Variants in ADSL observed in about 807,000 individuals in gnomAD.
ADSL encodes the protein adenylosuccinase.
ADSL carries 44 observed loss-of-function variants against 62.1 expected under a neutral mutation model. The ratio of observed to expected loss-of-function variants is 0.71; its 90% CI spans 0.56 to 0.91. The LOEUF (loss-of-function observed/expected upper bound fraction) is 0.91, where lower values mean the gene tolerates loss of function less well. ADSL is among the 40% of genes least tolerant of loss of function. The pLI is 0.00. For missense variants in ADSL, 531 were observed against 627.4 expected, an observed-to-expected ratio of 0.85 and a Z score of 1.64; for synonymous variants, 198 against 220.5, an observed-to-expected ratio of 0.90 and a Z score of 0.90.
chr22:40,353,173 G>A (rs919717856), intron 3 of ADSL, 56 bp downstream of exon 3: 93 of 1,394,110 alleles, frequency 6.7e-5, no homozygotes, highest in Non-Finnish European at 8.6e-5. Flanking sequence ...TTAGGAGATA[G>A]GCACCAGTTA....
chr22:40,374,779 C>A (rs897570625), intron 2 of ADSL, among the ~76,000 whole-genome samples: 2 of 152,226 alleles, frequency 1.3e-5, no homozygotes, highest in African/African-American at 4.8e-5. Flanking sequence ...ACTCGGGAGG[C>A]TGAGGCAGGA....
chr22:40,372,756 A>G (rs1309562698), downstream of ADSL: 2 of 152,232 alleles, frequency 1.3e-5, no homozygotes, highest in Non-Finnish European at 2.9e-5. Flanking sequence ...CTGCTGGCTC[A>G]GAAGCTTAAA....
chr22:40,360,509 T>G lies in ADSL; in HGVS notation c.792+17T>G, dbSNP rs751026343. On this transcript the variant is annotated intron_variant, in intron 7 of 12. Transcript: ENST00000623063. ...GTGCACAAGGTGAGTGGTGGCAGCA[T>G]GTGGGGTGGGGACAGGAGCTTTGGG... 6.2e-7 allele frequency: 1 copy of G among 1,604,382 alleles called. No individual in the cohort carries two copies. Among genetic ancestry groups the G allele is most frequent in the South Asian group, 1.1e-5 (1 of 90,866 alleles).
intron 1 of ADSL, chr22:40,348,561 T>C: frequency 5.0e-6 from 2 of 398,534 alleles, no homozygotes; most frequent in Non-Finnish European, 8.8e-6. Flanking sequence ...TTGTGTTGTT[T>C]TGTAGAGATG....
chr22:40,353,328 G>T, intron 3 of ADSL: 1 of 703,496 alleles, frequency 1.4e-6, no homozygotes, highest in African/African-American at 1.8e-5. Flanking sequence ...TTCTTCTTGA[G>T]CCAGAGTCTC....
downstream of ADSL, among the ~76,000 whole-genome samples, chr22:40,371,977 G>A (rs899574985): frequency 2.0e-5 from 3 of 152,162 alleles, no homozygotes; most frequent in Non-Finnish European, 4.4e-5. Context: ...TGGGATTACA[G>A]GCGTGAGCCA....
intron 7 of ADSL, chr22:40,361,014 T>C: frequency 1.9e-6 from 1 of 535,914 alleles, no homozygotes; most frequent in Non-Finnish European, 3.4e-6. Flanking sequence ...ATTAATCTTG[T>C]GATTTTCTTT....
chr22:40,349,853 G>A lies in ADSL; in HGVS notation c.175G>A (p.Asp59Asn), dbSNP rs1880680031. ...GCAGACATTGGGTTTGCCTATCACAGATGAACAAATCCAGGAGATGAAATC... is the reference window on the plus strand; with the variant it reads ...GCAGACATTGGGTTTGCCTATCACAAATGAACAAATCCAGGAGATGAAATC... ...AEQTLGLPIT[D>N]EQIQEMKSNL... Residue 59 changes from aspartate to asparagine, a missense_variant, in exon 2 of 13, where the codon GAT becomes AAT. Asp to Asn is a conservative substitution (Grantham distance 23). Around this residue, in one of 2 missense-constraint regions of ADSL, gnomAD observed 471 missense variants for 592.9 expected, o/e 0.79. Coordinates refer to ENST00000623063, the MANE Select transcript of ADSL (RefSeq NM_000026.4). The A allele has an allele frequency of 6.2e-7, 1 of 1,614,132 alleles. No individual in the cohort carries two copies. The highest frequency in any genetic ancestry group is 1.3e-5 in the African/African-American group (1 of 75,012).
At position 40,364,366 on chromosome 22, in the gene ADSL, G is replaced by C; in HGVS notation, c.1191+1G>C. The C allele has an allele frequency of 6.2e-7, 1 of 1,613,454 alleles. No individual in the cohort carries two copies. The highest frequency in any genetic ancestry group is 8.5e-7 in the Non-Finnish European group (1 of 1,179,638). On this transcript the variant is annotated splice_donor_variant, in intron 11 of 12. Coordinates refer to ENST00000623063, the MANE Select transcript of ADSL (RefSeq NM_000026.4). LOFTEE classifies it high-confidence loss of function. ...GGTCAAAGCTGGAGGTAGCCGCCAG[G>C]TTTGTAACCCCTCATGTTCCTGGAT...
intron 3 of ADSL, 24 bp downstream of exon 3, chr22:40,353,141 T>C: frequency 1.2e-6 from 2 of 1,602,458 alleles, no homozygotes; most frequent in South Asian, 1.1e-5. Flanking sequence ...AGATGTTTCC[T>C]ACCAACCCTA....
At chr22:40,376,712 G>GGTGGA (rs113760810) in intron 2 of ADSL, among the ~76,000 whole-genome samples, 34,989 of 151,756 alleles carry the variant, frequency 0.23, 4,561 homozygotes, top group Admixed American at 0.38. Context: ...GCTAAAGATT[G>GGTGGA]GTGGAGTCAG....
rs147017931 is a variant in ADSL at position 40,350,020 on chromosome 22, T to C, written c.342T>C (p.Tyr114=). The C allele has an allele frequency of 1.9e-6, 3 of 1,613,882 alleles. No homozygotes were observed. Among genetic ancestry groups the C allele is most frequent in the African/African-American group, 2.7e-5 (2 of 74,936 alleles). The change falls in exon 2 of 13, where the codon TAT becomes TAC. Residue 114 remains tyrosine (Y), a synonymous_variant. Transcript: ENST00000623063. ...TTCACCTTGGTGCTACTTCTTGCTA[T>C]GTTGGAGACAATACTGTAGGCGCCT... ...GIIHLGATSC[Y]VGDNTDLIIL...
In ADSL at chr22:40,353,103, C is replaced by G; in HGVS notation, c.388C>G (p.Leu130Val). Residue 130 changes from leucine (L) to valine (V), a missense_variant, in exon 3 of 13, where the codon CTG becomes GTG. Physicochemically the swap from Leu to Val is conservative, Grantham distance 32 (BLOSUM62 1). This residue lies in a region of ADSL where 471 missense variants were observed against 592.9 expected (regional missense o/e 0.79). Coordinates refer to ENST00000623063, the MANE Select transcript of ADSL (RefSeq NM_000026.4). ...GATTATTCTTAGAAATGCACTTGAC[C>G]TGCTTTTGCCAAAGGTAAGGAGTTG... ...DLIILRNALD[L>V]LLPKLARVIS... The G allele has an allele frequency of 6.2e-7, 1 of 1,613,926 alleles. No homozygotes were observed. Among genetic ancestry groups the G allele is most frequent in the South Asian group, 1.1e-5 (1 of 91,064 alleles).
At chr22:40,381,752 C>A (rs1373250351) in intron 2 of ADSL, among the ~76,000 whole-genome samples, 1 of 152,076 alleles carries the variant, frequency 6.6e-6, no homozygotes, top group Non-Finnish European at 1.5e-5. Flanking sequence ...GCCAAGAGTT[C>A]AAGACTGGCC....
intron 4 of ADSL, among the ~76,000 whole-genome samples, 173 bp downstream of exon 4, chr22:40,354,500 A>G (rs1201691415): frequency 6.6e-6 from 1 of 152,204 alleles, no homozygotes; most frequent in Admixed American, 6.5e-5. Flanking sequence ...AGTAAATCTA[A>G]CAGTTCATTT....
intron 9 of ADSL, 43 bp downstream of exon 9, chr22:40,361,678 G>C: frequency 6.2e-7 from 1 of 1,604,916 alleles, no homozygotes; most frequent in Non-Finnish European, 8.5e-7. Context: ...TTGAGTGGAG[G>C]TCTGAAGGAG....
Position 40,367,268 on chromosome 22 carries a change from C to T in ADSL, c.*746C>T, listed in dbSNP as rs546965777. 6.6e-6 allele frequency: 1 copy of T among 152,464 alleles called. No homozygotes were observed. The highest frequency in any genetic ancestry group is 2.1e-4 in the South Asian group (1 of 4,824). The allele number at this position is 152,464 out of a possible 1,614,324, so 9.4% of individuals were successfully genotyped here. A position where few individuals can be genotyped will look rare whatever the true frequency, so the allele number is the denominator to read the frequency against. On this transcript the variant is annotated 3_prime_UTR_variant, in exon 13 of 13. Coordinates refer to ENST00000623063, the MANE Select transcript of ADSL (RefSeq NM_000026.4). The stretch of plus-strand genomic sequence containing the variant: ...TCTCCAGCCTCAGCCTCCCAAGTAG[C>T]TGGGATTACAGGCGCCTGCCGCCAT...
intron 2 of ADSL, among the ~76,000 whole-genome samples, chr22:40,378,575 T>TA (rs1053152841): frequency 1.1e-4 from 17 of 150,048 alleles, no homozygotes; most frequent in African/African-American, 4.2e-4. Flanking sequence ...CTACCAAAAA[T>TA]ACAAAAAATT....
intron 10 of ADSL, among the ~76,000 whole-genome samples, chr22:40,363,379 T>G (rs1024963931): frequency 6.6e-6 from 1 of 152,218 alleles, no homozygotes; most frequent in Non-Finnish European, 1.5e-5. Context: ...GCAGATGGGT[T>G]CATTTCTCTC....
Sources: allele counts gnomAD v4.1 joint callset (sites outside exome capture counted in the v4.1 genomes callset), GRCh38; gene constraint gnomAD v4.1.1; regional missense constraint gnomAD v4.1.1; transcripts MANE v1.5; gene names NCBI Gene and HGNC (gene_info 2026-07-23, HGNC 2026-07-21).